The following NEXN variants were observed in gnomAD, a reference collection of about 807,000 sequenced individuals.
NEXN encodes the protein nexilin.
Under a neutral mutation model 92.6 loss-of-function variants are expected in NEXN, and 65 were observed. The ratio of observed to expected loss-of-function variants is 0.70; its 90% CI spans 0.57 to 0.86. NEXN has a LOEUF of 0.86. Ranked by LOEUF, NEXN falls within the 40% of genes least tolerant of loss-of-function variation. The probability of loss-of-function intolerance (pLI) is 0.00; values close to 1 mark genes in which losing one functional copy is unlikely to be tolerated. For missense variants in NEXN, 778 were observed against 771.1 expected (o/e 1.01, Z -0.11); for synonymous variants, 254 against 242.5 (o/e 1.05, Z -0.44).
chr1:77,942,743 G>A lies in NEXN; in HGVS notation c.1942G>A (p.Asp648Asn). 6.2e-7 allele frequency: 1 copy of A among 1,613,764 alleles called. No homozygotes were observed. The highest frequency in any genetic ancestry group is 8.5e-7 in the Non-Finnish European group (1 of 1,179,744). The part of the protein sequence containing the change: ...CLYLPETFPE[D>N]GGEYMCKAVN... ...TTACTTACCAGAAACTTTCCCAGAA[G>A]ATGGAGGAGAGTATATGTGTAAAGC... The change falls in exon 13 of 13, where the codon GAT becomes AAT. Residue 648 changes from aspartate (D) to asparagine (N), a missense_variant. Around this residue, in one of 3 missense-constraint regions of NEXN, gnomAD observed 532 missense variants for 476.7 expected, o/e 1.12. Coordinates refer to ENST00000334785, the MANE Select transcript of NEXN (RefSeq NM_144573.4).
intron 1 of NEXN, among the ~76,000 whole-genome samples, chr1:77,900,887 A>G (rs1324989943): frequency 6.6e-6 from 1 of 152,164 alleles, no homozygotes; most frequent in Admixed American, 6.5e-5. Flanking sequence ...TGCCCCTTTA[A>G]GGTGGCCAAG....
intron 9 of NEXN, among the ~76,000 whole-genome samples, 162 bp downstream of exon 9, chr1:77,929,666 G>A (rs1302339033): frequency 6.6e-6 from 1 of 152,206 alleles, no homozygotes; most frequent in Admixed American, 6.5e-5. Flanking sequence ...ACACCAGTTG[G>A]TTGAAGGTAT....
In NEXN at chr1:77,916,156, A is replaced by C. The variant is rs774078088; in HGVS notation, c.27+23A>C. 96 of 1,577,414 alleles carry C rather than the reference A, an allele frequency of 6.1e-5. 1 individual carries two copies. The highest frequency in any genetic ancestry group is 3.0e-4 in the Admixed American group (18 of 59,054). ...GAGGTAAGTCTCAAAAGTAAAAATA[A>C]AAATAAAAGAGGGAAATGTAGAGTT... is the stretch of plus-strand genomic sequence containing the variant. On this transcript the variant is annotated intron_variant, in intron 2 of 12. Coordinates refer to ENST00000334785, the MANE Select transcript of NEXN (RefSeq NM_144573.4).
At chr1:77,913,651 A>G (rs1456906422) in intron 1 of NEXN, among the ~76,000 whole-genome samples, 1 of 152,212 alleles carries the variant, frequency 6.6e-6, no homozygotes, top group Non-Finnish European at 1.5e-5. Flanking sequence ...AATGCAGGTG[A>G]GGATATGGAG....
At chr1:77,927,612 G>GTT (rs996028725) in intron 8 of NEXN, among the ~76,000 whole-genome samples, 1 of 151,590 alleles carries the variant, frequency 6.6e-6, no homozygotes, top group African/African-American at 2.4e-5. Context: ...CTGTGTGTGT[G>GTT]TGTGTGTGTG....
chr1:77,889,370 TTC>T (rs1647054133), intron 1 of NEXN: 1 of 150,370 alleles, frequency 6.7e-6, no homozygotes, highest in South Asian at 2.1e-4. Flanking sequence ...TTTTTTTTTT[TTC>T]GTGATTCTGC....
intron 1 of NEXN, among the ~76,000 whole-genome samples, chr1:77,902,433 G>A (rs1647796601): frequency 6.9e-6 from 1 of 144,424 alleles, no homozygotes; most frequent in African/African-American, 2.5e-5. Context: ...GAGAATAAAA[G>A]GCAAGAATTA....
chr1:77,939,872 G>A (rs565518104), intron 11 of NEXN, among the ~76,000 whole-genome samples: 217 of 152,236 alleles, frequency 1.4e-3, no homozygotes, highest in African/African-American at 5.0e-3. Context: ...TCAGGAGTTC[G>A]AGACCAGCCT....
Position 77,923,338 on chromosome 1 carries a change from A to G in NEXN, c.448-1850A>G, listed in dbSNP as rs542573730. Among the ~76,000 whole-genome samples the G allele has an allele frequency of 2.0e-5, 3 of 152,122 alleles. No individual in the cohort carries two copies. In the South Asian group the frequency reaches 6.2e-4, roughly 32 times the overall value. ...TATTATTTCTTTCTTGAGAGAAAAT[A>G]TAGAAAAGTGTGATGATGAGAGAAC... On this transcript the variant is annotated intron_variant, in intron 5 of 12. Coordinates refer to ENST00000334785, the MANE Select transcript of NEXN (RefSeq NM_144573.4).
At chr1:77,938,606 A>C (rs1650988391) in intron 11 of NEXN, among the ~76,000 whole-genome samples, 1 of 151,054 alleles carries the variant, frequency 6.6e-6, no homozygotes, top group South Asian at 2.1e-4. Flanking sequence ...AAAAAAAAAA[A>C]AGTTCAGTCT....
intron 9 of NEXN, among the ~76,000 whole-genome samples, chr1:77,930,607 G>C (rs531036964): frequency 1.8e-4 from 27 of 152,254 alleles, no homozygotes; most frequent in South Asian, 1.0e-3. Context: ...TTATAGTCTT[G>C]CTCTTGTATA....
In NEXN at chr1:77,942,860, T is replaced by G; in HGVS notation, c.*31T>G. On this transcript the variant is annotated 3_prime_UTR_variant, in exon 13 of 13. Coordinates refer to ENST00000334785, the MANE Select transcript of NEXN (RefSeq NM_144573.4). ...CTTTTTATCTTTTATTCTATTAATT[T>G]TTTTTTCCTTAAAATCACTTTTCTT... is the stretch of plus-strand genomic sequence containing the variant. The G allele has an allele frequency of 6.4e-7, 1 of 1,570,484 alleles. No individual in the cohort carries two copies.
At chr1:77,932,378 AAATT>A (rs1466425096) in intron 9 of NEXN, among the ~76,000 whole-genome samples, 3 of 152,240 alleles carry the variant, frequency 2.0e-5, no homozygotes, top group African/African-American at 7.2e-5. Context: ...AGGATTAAAT[AAATT>A]AATACATTTT....
intron 5 of NEXN, 51 bp from the exon 6 acceptor site, chr1:77,925,137 A>G (rs1434777628): frequency 1.6e-6 from 2 of 1,251,912 alleles, no homozygotes; most frequent in Admixed American, 3.7e-5. Flanking sequence ...GTTTAAAAGC[A>G]AAAAGTAGAA....
At position 77,918,302 on chromosome 1, in the gene NEXN, T is replaced by C. The variant is rs779229851; in HGVS notation, c.447+29T>C. 5.0e-6 allele frequency: 8 copies of C among 1,610,768 alleles called. No individual in the cohort carries two copies. The Admixed American group carries it at 1.0e-4, about 20-fold the overall frequency. On this transcript the variant is annotated intron_variant, in intron 5 of 12. Transcript: ENST00000334785. ...TCACTGAAGATTAAGTTCGTATTTGTTTCTGAAACTAACTGTGCAAAGTAA... is the reference window on the plus strand; with the variant it reads ...TCACTGAAGATTAAGTTCGTATTTGCTTCTGAAACTAACTGTGCAAAGTAA...
intron 1 of NEXN, among the ~76,000 whole-genome samples, chr1:77,913,227 C>T (rs1199854688): frequency 6.6e-6 from 1 of 152,078 alleles, no homozygotes; most frequent in Non-Finnish European, 1.5e-5. Context: ...CCAGCCTGAC[C>T]AATATAGCGA....
At chr1:77,892,593 A>G (rs1171007670) in intron 1 of NEXN, among the ~76,000 whole-genome samples, 2 of 152,214 alleles carry the variant, frequency 1.3e-5, no homozygotes, top group Non-Finnish European at 2.9e-5. Context: ...TATCTGATGC[A>G]TCATATGATG....
chr1:77,923,664 G>C (rs1649616153), intron 5 of NEXN, among the ~76,000 whole-genome samples: 1 of 148,322 alleles, frequency 6.7e-6, no homozygotes, highest in African/African-American at 2.5e-5. Context: ...ATGAGTAATG[G>C]GTAAATTGAG....
chr1:77,925,048 G>C, intron 5 of NEXN, 140 bp from the exon 6 acceptor site: 1 of 616,764 alleles, frequency 1.6e-6, no homozygotes. Flanking sequence ...TGGCTAATTT[G>C]GAACAACATA....
Sources: allele counts gnomAD v4.1 joint callset (sites outside exome capture counted in the v4.1 genomes callset), GRCh38; gene constraint gnomAD v4.1.1; regional missense constraint gnomAD v4.1.1; transcripts MANE v1.5; gene names NCBI Gene and HGNC (gene_info 2026-07-23, HGNC 2026-07-21).